SPDYE6: variants seen among roughly 807,000 people sequenced by gnomAD.
The protein encoded by SPDYE6 is speedy protein E6.
For synonymous variants in SPDYE6, 2 were observed against 103.0 expected (o/e 0.02, Z 5.94); for missense variants, 8 against 297.9 (o/e 0.03, Z 7.16).
intron 2 of SPDYE6, among the ~76,000 whole-genome samples, chr7:102,353,652 T>TG (rs1186747370): frequency 1.2e-3 from 177 of 146,774 alleles, no homozygotes; most frequent in African/African-American, 3.8e-3. Flanking sequence ...TTTTTTTTTT[T>TG]TTTTCGTTGT....
intron 2 of SPDYE6, among the ~76,000 whole-genome samples, chr7:102,353,727 G>A (rs1350134598): frequency 6.0e-5 from 9 of 149,160 alleles, no homozygotes; most frequent in Admixed American, 1.3e-4. Context: ...GTAGTGGTGC[G>A]ATCTTGGCTC....
chr7:102,351,688 G>T (rs1468909084), intron 4 of SPDYE6, among the ~76,000 whole-genome samples: 1 of 81,564 alleles, frequency 1.2e-5, no homozygotes, highest in Non-Finnish European at 2.5e-5. Flanking sequence ...GATCGCCTGA[G>T]GTCAGGTGTT....
At chr7:102,351,596 C>A (rs1794565601) in intron 4 of SPDYE6, among the ~76,000 whole-genome samples, 1 of 90,930 alleles carries the variant, frequency 1.1e-5, no homozygotes, top group African/African-American at 4.4e-5. Context: ...TTTGTGGGTG[C>A]CAAGACTCAA....
At chr7:102,353,655 T>TTG (rs368227936) in intron 2 of SPDYE6, among the ~76,000 whole-genome samples, 12,038 of 144,192 alleles carry the variant, frequency 0.083, 18 homozygotes, top group African/African-American at 0.18. Flanking sequence ...TTTTTTTTTT[T>TTG]TCGTTGTTGT....
At chr7:102,353,550 G>A (rs1554562752) in intron 2 of SPDYE6, among the ~76,000 whole-genome samples, 162 bp from the exon 3 acceptor site, 1 of 135,910 alleles carries the variant, frequency 7.4e-6, no homozygotes, top group East Asian at 2.3e-4. Context: ...AGCTCCATGT[G>A]CCGCTCCTTC....
chr7:102,352,560 ACTTT>A (rs1163610125), intron 3 of SPDYE6, among the ~76,000 whole-genome samples: 3 of 140,460 alleles, frequency 2.1e-5, no homozygotes, highest in Admixed American at 7.2e-5. Flanking sequence ...AGCGGAAACC[ACTTT>A]CTTTGTTTAT....
At position 102,346,557 on chromosome 7, in the gene SPDYE6, T is replaced by C. The variant is rs1161795771; in HGVS notation, c.*710A>G. 1.3e-5 allele frequency among the ~76,000 whole-genome samples: 2 copies of C among 151,602 alleles called. No homozygotes were observed. Among genetic ancestry groups the C allele is most frequent in the African/African-American group, 4.8e-5 (2 of 41,396 alleles). On this transcript the variant is annotated 3_prime_UTR_variant, in exon 8 of 8. Coordinates refer to ENST00000563237, the MANE Select transcript of SPDYE6 (RefSeq NM_001146210.4). ...AGAGTGCTCGCTTCAGGAGCACATATAATAATACAGAAACAAATTTAAAGA... is the reference window on the plus strand; with the variant it reads ...AGAGTGCTCGCTTCAGGAGCACATACAATAATACAGAAACAAATTTAAAGA...
In SPDYE6 at chr7:102,345,950, T is replaced by A; in HGVS notation, c.*1317A>T. Reference sequence around the variant, plus strand: ...ATATGAAATATCAAATAAAAATTTATTTTTACAAGAATTTAGGGGAACTAC... The same window carrying A: ...ATATGAAATATCAAATAAAAATTTAATTTTACAAGAATTTAGGGGAACTAC... On this transcript the variant is annotated 3_prime_UTR_variant, in exon 8 of 8. Transcript: ENST00000563237. Among the ~76,000 whole-genome samples the A allele has an allele frequency of 6.6e-6, 1 of 152,022 alleles. No individual in the cohort carries two copies. Among genetic ancestry groups the A allele is most frequent in the East Asian group, 1.9e-4 (1 of 5,198 alleles).
At chr7:102,353,637 C>CTTT (rs374776632) in intron 2 of SPDYE6, among the ~76,000 whole-genome samples, 245 of 123,970 alleles carry the variant, frequency 2.0e-3, no homozygotes, top group African/African-American at 7.0e-3. Flanking sequence ...CTCTGAGTCC[C>CTTT]TTTTTTTTTT....
At position 102,347,037 on chromosome 7, in the gene SPDYE6, AC is replaced by A. The variant is rs1457390765; in HGVS notation, c.*229del. On this transcript the variant is annotated 3_prime_UTR_variant, in exon 8 of 8. Transcript: ENST00000563237. ...CTCCAAGGACTCCTAGAAGGACCCC[AC>A]CCCCCTCCCCCCACCCCTGCTCCTA... Among the ~76,000 whole-genome samples, 13 of 40,294 alleles carry A rather than the reference AC, an allele frequency of 3.2e-4. No individual in the cohort carries two copies. Among genetic ancestry groups the A allele is most frequent in the East Asian group, 8.0e-4 (1 of 1,248 alleles). 26.4% of individuals were successfully genotyped at this position (40,294 alleles called of 152,430 possible).
chr7:102,353,641 T>TGTG (rs1794608006), intron 2 of SPDYE6, among the ~76,000 whole-genome samples: 1 of 99,918 alleles, frequency 1.0e-5, no homozygotes, highest in African/African-American at 3.4e-5. Context: ...GAGTCCCTTT[T>TGTG]TTTTTTTTTT....
rs1189125895 is a variant in SPDYE6 at position 102,346,504 on chromosome 7, G to C, written c.*763C>G. Reference sequence around the variant, plus strand: ...ACTACCAATAGCTATAAATAGAAGAGATTATTATGGAAGTATCATAGATAA... The same window carrying C: ...ACTACCAATAGCTATAAATAGAAGACATTATTATGGAAGTATCATAGATAA... On this transcript the variant is annotated 3_prime_UTR_variant, in exon 8 of 8. Coordinates refer to ENST00000563237, the MANE Select transcript of SPDYE6 (RefSeq NM_001146210.4). Among the ~76,000 whole-genome samples the C allele has an allele frequency of 1.3e-5, 2 of 150,614 alleles. No individual in the cohort carries two copies. Among genetic ancestry groups the C allele is most frequent in the African/African-American group, 4.9e-5 (2 of 41,180 alleles).
In SPDYE6 at chr7:102,346,596, A is replaced by T. The variant is rs1456087592; in HGVS notation, c.*671T>A. On this transcript the variant is annotated 3_prime_UTR_variant, in exon 8 of 8. Coordinates refer to ENST00000563237, the MANE Select transcript of SPDYE6 (RefSeq NM_001146210.4). The stretch of plus-strand genomic sequence containing the variant: ...CAAATTTAAAGATAATAAAATATTT[A>T]GGATAAAAGAATTGTCTCTTAAAAA... Among the ~76,000 whole-genome samples, 3 of 151,746 alleles carry T rather than the reference A, an allele frequency of 2.0e-5. No homozygotes were observed. Among genetic ancestry groups the T allele is most frequent in the Non-Finnish European group, 4.4e-5 (3 of 67,922 alleles).
chr7:102,346,275 TTAAA>T lies in SPDYE6; in HGVS notation c.*988_*991del, dbSNP rs1165722286. Among the ~76,000 whole-genome samples, 6 of 147,528 alleles carry T rather than the reference TTAAA, an allele frequency of 4.1e-5. No homozygotes were observed. The highest frequency in any genetic ancestry group is 7.5e-5 in the Non-Finnish European group (5 of 66,948). ...ATAAATAAATATATTTAATAAATATTTAAATAAATAAAATAATATTTAAATAATT... is the reference window on the plus strand; with the variant it reads ...ATAAATAAATATATTTAATAAATATTTAAATAAAATAATATTTAAATAATT... On this transcript the variant is annotated 3_prime_UTR_variant, in exon 8 of 8. Coordinates refer to ENST00000563237, the MANE Select transcript of SPDYE6 (RefSeq NM_001146210.4).
rs1338400232 is a variant in SPDYE6 at position 102,346,420 on chromosome 7, A to G, written c.*847T>C. Among the ~76,000 whole-genome samples, 1 of 150,070 alleles carries G rather than the reference A, an allele frequency of 6.7e-6. No individual in the cohort carries two copies. The highest frequency in any genetic ancestry group is 2.4e-5 in the African/African-American group (1 of 41,220). ...AACTGAATTCTCACAATTCAGTCAC[A>G]AACCTAAACAGCAAATAAAAATTTC... On this transcript the variant is annotated 3_prime_UTR_variant, in exon 8 of 8. Transcript: ENST00000563237.
At chr7:102,351,926 A>AAAAAC (rs1794572759) in intron 4 of SPDYE6, 140 bp downstream of exon 4, 1 of 141,202 alleles carries the variant, frequency 7.1e-6, no homozygotes, top group African/African-American at 1.1e-4. Flanking sequence ...CACACACACA[A>AAAAAC]AAAAAAAAAA....
chr7:102,350,842 G>C lies in SPDYE6; in HGVS notation c.670-29C>G. ...ATGGAGAGAAAGGAACACAGAGAGG[G>C]AGAGGTCACATCTTGGAAGAGGAAG... On this transcript the variant is annotated intron_variant, in intron 4 of 7. Coordinates refer to ENST00000563237, the MANE Select transcript of SPDYE6 (RefSeq NM_001146210.4). 2.4e-6 allele frequency: 3 copies of C among 1,260,734 alleles called. 1 individual carries two copies. The highest frequency in any genetic ancestry group is 3.3e-6 in the Non-Finnish European group (3 of 920,526). The allele number at this position is 1,260,734 out of a possible 1,614,324, so 78.1% of individuals were successfully genotyped here.
chr7:102,352,458 AG>A (rs1794588910), intron 3 of SPDYE6, among the ~76,000 whole-genome samples: 1 of 142,726 alleles, frequency 7.0e-6, no homozygotes, highest in Non-Finnish European at 1.6e-5. Flanking sequence ...CAGTCACATC[AG>A]GGTGTGACCA....
intron 2 of SPDYE6, among the ~76,000 whole-genome samples, chr7:102,353,654 T>G (rs782214943): frequency 6.0e-5 from 9 of 149,258 alleles, no homozygotes; most frequent in African/African-American, 1.3e-4. Flanking sequence ...TTTTTTTTTT[T>G]TTCGTTGTTG....
Sources: allele counts gnomAD v4.1 joint callset (sites outside exome capture counted in the v4.1 genomes callset), GRCh38; gene constraint gnomAD v4.1.1; transcripts MANE v1.5; gene names NCBI Gene and HGNC (gene_info 2026-07-23, HGNC 2026-07-21).